Variants in ITSN2 observed in about 807,000 individuals in gnomAD.
ITSN2 encodes the protein intersectin 2, also known as intersectin-2.
Under a neutral mutation model 243.7 loss-of-function variants are expected in ITSN2, and 156 were observed. The ratio of observed to expected loss-of-function variants is 0.64; its 90% CI spans 0.56 to 0.73. The LOEUF (loss-of-function observed/expected upper bound fraction) is 0.73, where lower values mean the gene tolerates loss of function less well. Among genes scored for constraint, ITSN2 ranks in the 30% least tolerant of loss-of-function variants. The probability of loss-of-function intolerance (pLI) is 0.00; values close to 1 mark genes in which losing one functional copy is unlikely to be tolerated. For missense variants in ITSN2, 1,801 were observed against 1,996.1 expected (o/e 0.90, Z 1.86); for synonymous variants, 703 against 699.9 (o/e 1.00, Z -0.07).
At position 24,317,156 on chromosome 2, in the gene ITSN2, G is replaced by A. The variant is rs144585597; in HGVS notation, c.32-1932C>T. On this transcript the variant is annotated intron_variant, in intron 2 of 39. Transcript: ENST00000355123. ...AGCACTTTGGGAGGCCGAGGCGGGC[G>A]GATCACCTGAGGTCAGGAGTTCAAG... 5.1e-4 allele frequency among the ~76,000 whole-genome samples: 77 copies of A among 152,260 alleles called. 1 individual carries two copies. In the East Asian group the frequency reaches 6.6e-3, roughly 13 times the overall value.
At position 24,344,084 on chromosome 2, in the gene ITSN2, T is replaced by C. The variant is rs138802707; in HGVS notation, c.-33-15969A>G. ...AAATTATGCTAGCCAATTAATATTC[T>C]ATTATTTTCATTACACATATTACAG... On this transcript the variant is annotated intron_variant, in intron 1 of 39. Transcript: ENST00000355123. Among the ~76,000 whole-genome samples the C allele has an allele frequency of 7.2e-5, 11 of 152,380 alleles. No homozygotes were observed. The East Asian group carries it at 1.9e-3, about 27-fold the overall frequency.
chr2:24,253,700 T>C (rs1674654160), intron 24 of ITSN2, among the ~76,000 whole-genome samples: 1 of 152,264 alleles, frequency 6.6e-6, no homozygotes, highest in African/African-American at 2.4e-5. Flanking sequence ...TTCCAGGCTC[T>C]AGCATAGAAT....
intron 20 of ITSN2, among the ~76,000 whole-genome samples, chr2:24,266,023 T>G (rs1034146879): frequency 2.0e-5 from 3 of 152,342 alleles, no homozygotes; most frequent in Non-Finnish European, 4.4e-5. Flanking sequence ...CTAGGGTATC[T>G]TTCAGAATTA....
intron 15 of ITSN2, among the ~76,000 whole-genome samples, chr2:24,289,392 G>A (rs868274338): frequency 6.6e-6 from 1 of 151,862 alleles, no homozygotes; most frequent in Non-Finnish European, 1.5e-5. Flanking sequence ...TTGTTTACTT[G>A]ATCTCTTTTT....
At position 24,298,690 on chromosome 2, in the gene ITSN2, T is replaced by G. The variant is rs1376990709; in HGVS notation, c.1469A>C (p.Asn490Thr). The part of the protein sequence containing the change: ...EIVRLNSKKK[N>T]LHLELEALNG... Reference sequence around the variant, plus strand: ...CAGTGCTTCCAACTCAAGATGAAGATTCTTCTTTTTAGAGTTTAACCTGAC... The same window carrying G: ...CAGTGCTTCCAACTCAAGATGAAGAGTCTTCTTTTTAGAGTTTAACCTGAC... Residue 490 changes from asparagine (N) to threonine (T), a missense_variant, in exon 13 of 40, where the codon AAT (asparagine) becomes ACT (threonine). Physicochemically the swap from Asn to Thr is moderately conservative, Grantham distance 65. Around this residue, in one of 5 missense-constraint regions of ITSN2, gnomAD observed 787 missense variants for 803.9 expected, o/e 0.98. Transcript: ENST00000355123. The G allele has an allele frequency of 6.2e-7, 1 of 1,603,392 alleles. No homozygotes were observed. The highest frequency in any genetic ancestry group is 8.5e-7 in the Non-Finnish European group (1 of 1,177,316).
At chr2:24,209,296 T>G (rs1669243085) in intron 35 of ITSN2, 75 bp from the exon 36 acceptor site, 1 of 1,570,766 alleles carries the variant, frequency 6.4e-7, no homozygotes, top group African/African-American at 1.3e-5. Context: ...CAGAGAGAGT[T>G]CTGTTTGTTC....
At chr2:24,292,959 T>TA (rs975654671) in intron 15 of ITSN2, among the ~76,000 whole-genome samples, 5 of 152,224 alleles carry the variant, frequency 3.3e-5, no homozygotes, top group Non-Finnish European at 7.3e-5. Flanking sequence ...ATTGACTTGA[T>TA]AGAGACTCAA....
At position 24,258,082 on chromosome 2, in the gene ITSN2, T is replaced by A; in HGVS notation, c.2694A>T (p.Val898=). 1.9e-6 allele frequency: 3 copies of A among 1,613,784 alleles called. No individual in the cohort carries two copies. The highest frequency in any genetic ancestry group is 2.5e-6 in the Non-Finnish European group (3 of 1,179,716). ...VSPIHGQGQV[V]ENLKAQALCS... is the part of the protein sequence containing the mutation. ...AAAGGGCCTGTGCTTTTAAGTTTTC[T>A]ACCACTTGTCCCTATGAATACAAAA... Residue 898 remains valine (V), a synonymous_variant, in exon 23 of 40, where the codon GTA becomes GTT. Transcript: ENST00000355123.
intron 29 of ITSN2, among the ~76,000 whole-genome samples, chr2:24,234,885 A>G (rs949252275): frequency 6.6e-6 from 1 of 152,232 alleles, no homozygotes; most frequent in African/African-American, 2.4e-5. Flanking sequence ...ACTTTCATTC[A>G]TTGCTGGAGG....
chr2:24,256,059 C>CA (rs981500076), intron 23 of ITSN2, among the ~76,000 whole-genome samples: 102 of 138,850 alleles, frequency 7.3e-4, no homozygotes, highest in African/African-American at 2.0e-3. Context: ...ATCTCAAAAA[C>CA]AAAAAAAAAC....
In ITSN2 at chr2:24,252,517, G is replaced by C. The variant is rs778240056; in HGVS notation, c.2954-6C>G. On this transcript the variant is annotated splice_polypyrimidine_tract_variant and splice_region_variant and intron_variant, in intron 24 of 39. Coordinates refer to ENST00000355123, the MANE Select transcript of ITSN2 (RefSeq NM_006277.3). ...TGGATAAAGTGCAATATATTCTGTA[G>C]GGAACAAAGCAAAAAGAAGTAGATT... 2 of 1,597,052 alleles carry C rather than the reference G, an allele frequency of 1.3e-6. No individual in the cohort carries two copies. The highest frequency in any genetic ancestry group is 1.7e-5 in the Admixed American group (1 of 58,278).
chr2:24,258,518 T>C (rs1459307749), intron 22 of ITSN2, among the ~76,000 whole-genome samples: 2 of 152,220 alleles, frequency 1.3e-5, no homozygotes, highest in Non-Finnish European at 2.9e-5. Context: ...TGCTTTTCTC[T>C]TAACTTCCTC....
chr2:24,256,091 G>C (rs955785840), intron 23 of ITSN2, among the ~76,000 whole-genome samples: 3 of 152,178 alleles, frequency 2.0e-5, no homozygotes, highest in Admixed American at 6.5e-5. Flanking sequence ...GGGCATGGTG[G>C]TGGATGCCTG....
chr2:24,220,596 C>G, intron 30 of ITSN2: 1 of 1,130,136 alleles, frequency 8.8e-7, no homozygotes, highest in Non-Finnish European at 1.1e-6. Flanking sequence ...TCCAAGGAAG[C>G]TACGGTCTGC....
chr2:24,337,983 C>T (rs1444302251), intron 1 of ITSN2, among the ~76,000 whole-genome samples: 1 of 152,130 alleles, frequency 6.6e-6, no homozygotes, highest in East Asian at 1.9e-4. Flanking sequence ...TAAGGCCCCC[C>T]AACCTTCTGA....
intron 33 of ITSN2, among the ~76,000 whole-genome samples, 161 bp downstream of exon 33, chr2:24,212,489 A>C (rs1024394644): frequency 6.6e-6 from 1 of 152,192 alleles, no homozygotes; most frequent in Non-Finnish European, 1.5e-5. Flanking sequence ...GCACACACAC[A>C]CACAGGCATC....
chr2:24,296,242 G>A (rs1474714817), intron 13 of ITSN2, among the ~76,000 whole-genome samples: 7 of 152,152 alleles, frequency 4.6e-5, no homozygotes, highest in African/African-American at 1.4e-4. Flanking sequence ...GTGCCCAGGA[G>A]GAACGTTTTG....
intron 23 of ITSN2, 35 bp from the exon 24 acceptor site, chr2:24,254,466 A>C: frequency 6.6e-7 from 1 of 1,516,302 alleles, no homozygotes; most frequent in Non-Finnish European, 9.1e-7. Flanking sequence ...CAAACAAACA[A>C]ACAAATACAA....
At chr2:24,333,920 C>T (rs1686057503) in intron 1 of ITSN2, among the ~76,000 whole-genome samples, 2 of 152,194 alleles carry the variant, frequency 1.3e-5, no homozygotes, top group Admixed American at 6.5e-5. Context: ...GACAGAGTCT[C>T]ATTCTGTCAC....
Sources: gnomAD v4.1 joint callset for allele counts (sites outside exome capture counted in the v4.1 genomes callset) on GRCh38, gnomAD v4.1.1 for gene constraint, gnomAD v4.1.1 regional missense constraint, MANE v1.5 for transcripts, NCBI Gene and HGNC (gene_info 2026-07-23, HGNC 2026-07-21) for gene names.